The following LNPEP variants were observed in gnomAD, a reference collection of about 807,000 sequenced individuals.
LNPEP encodes the protein leucyl-cystinyl aminopeptidase.
Under a neutral mutation model 120.6 loss-of-function variants are expected in LNPEP, and 64 were observed. That is an observed-to-expected ratio of 0.53 (90% CI 0.43 to 0.65). The LOEUF (loss-of-function observed/expected upper bound fraction) is 0.65, where lower values mean the gene tolerates loss of function less well. Among genes scored for constraint, LNPEP ranks in the 30% least tolerant of loss-of-function variants. The pLI is 0.00. For missense variants in LNPEP, 1,057 were observed against 1,200.0 expected (o/e 0.88, Z 1.76); for synonymous variants, 435 against 425.4 (o/e 1.02, Z -0.28).
chr5:96,941,684 A>G (rs1789059414), intron 1 of LNPEP, among the ~76,000 whole-genome samples: 1 of 152,128 alleles, frequency 6.6e-6, no homozygotes, highest in African/African-American at 2.4e-5. Context: ...AGTAAATGGA[A>G]CATCAAGAGT....
Position 97,037,105 on chromosome 5 carries a change from A to T in LNPEP, c.*8572A>T, listed in dbSNP as rs1395343766. On this transcript the variant is annotated 3_prime_UTR_variant, in exon 18 of 18. Coordinates refer to ENST00000231368, the MANE Select transcript of LNPEP (RefSeq NM_005575.3). Reference sequence around the variant, plus strand: ...TGCATTAATCAACAAACTCACATTGAGACAAAACTTAGTTTTACAGCTGTC... The same window carrying T: ...TGCATTAATCAACAAACTCACATTGTGACAAAACTTAGTTTTACAGCTGTC... 6.6e-6 allele frequency: 1 copy of T among 152,222 alleles called. No homozygotes were observed. Among genetic ancestry groups the T allele is most frequent in the East Asian group, 1.9e-4 (1 of 5,208 alleles). The allele number at this position is 152,222 out of a possible 1,614,324, so 9.4% of individuals were successfully genotyped here. A position where few individuals can be genotyped will look rare whatever the true frequency, so the allele number is the denominator to read the frequency against.
In LNPEP at chr5:97,006,394, T is replaced by C. The variant is rs145291296; in HGVS notation, c.1947-33T>C. On this transcript the variant is annotated intron_variant, in intron 10 of 17. Coordinates refer to ENST00000231368, the MANE Select transcript of LNPEP (RefSeq NM_005575.3). ...AAATTAAAAAAAAAAAAAAATCATA[T>C]GTAACTAATTTTCCAATGTTTTCTC... is the stretch of plus-strand genomic sequence containing the variant. 3.7e-5 allele frequency: 50 copies of C among 1,349,312 alleles called. No homozygotes were observed. The African/African-American group carries it at 6.5e-4, about 18-fold the overall frequency. The allele number at this position is 1,349,312 out of a possible 1,614,324, so 83.6% of individuals were successfully genotyped here.
chr5:96,983,770 C>A (rs1449527029), intron 2 of LNPEP, among the ~76,000 whole-genome samples: 2 of 152,274 alleles, frequency 1.3e-5, no homozygotes, highest in East Asian at 3.9e-4. Context: ...TTTTCTGTGT[C>A]ATATTCTCAA....
chr5:96,936,259 C>A, intron 1 of LNPEP, 85 bp downstream of exon 1: 2 of 1,161,394 alleles, frequency 1.7e-6, no homozygotes, highest in Non-Finnish European at 1.1e-6. Flanking sequence ...GGTCGGGCTG[C>A]AGCCGTCTCC....
chr5:97,006,002 A>G, intron 9 of LNPEP, 71 bp from the exon 10 acceptor site: 2 of 406,696 alleles, frequency 4.9e-6, no homozygotes, highest in Non-Finnish European at 7.7e-6. Context: ...ATAAATTAAA[A>G]TGTAAAATTT....
chr5:97,011,934 A>G (rs893614042), intron 11 of LNPEP, among the ~76,000 whole-genome samples: 1 of 152,164 alleles, frequency 6.6e-6, no homozygotes, highest in African/African-American at 2.4e-5. Flanking sequence ...CATTTGAATA[A>G]TTCATGTTTT....
Position 97,012,054 on chromosome 5 carries a change from G to A in LNPEP, c.2036-1594G>A, listed in dbSNP as rs370774265. Among the ~76,000 whole-genome samples the A allele has an allele frequency of 3.3e-5, 5 of 152,142 alleles. No homozygotes were observed. In the East Asian group the frequency reaches 5.8e-4, roughly 18 times the overall value. ...TTTAGGTTGAAAACATATTTATAAA[G>A]CATTTTATATAAAAAACCTTCACTA... On this transcript the variant is annotated intron_variant, in intron 11 of 17. Transcript: ENST00000231368.
At chr5:97,024,490 T>C in intron 14 of LNPEP, 31 bp from the exon 15 acceptor site, 1 of 1,599,598 alleles carries the variant, frequency 6.3e-7, no homozygotes, top group Non-Finnish European at 8.5e-7. Flanking sequence ...TATTTTCTTG[T>C]TATTCTCATG....
intron 6 of LNPEP, among the ~76,000 whole-genome samples, chr5:96,994,447 T>A (rs1365990503): frequency 4.0e-5 from 6 of 149,070 alleles, no homozygotes; most frequent in Non-Finnish European, 8.9e-5. Context: ...CAACTCAAAC[T>A]GTAGCTGTCA....
intron 1 of LNPEP, among the ~76,000 whole-genome samples, chr5:96,971,345 TTG>T (rs3076561): frequency 0.021 from 2,965 of 142,766 alleles, 38 homozygotes; most frequent in African/African-American, 0.031. Flanking sequence ...ACATTATTAT[TTG>T]TGTGTGTGTG....
chr5:96,977,872 T>C (rs997777343), intron 1 of LNPEP, among the ~76,000 whole-genome samples: 2 of 152,192 alleles, frequency 1.3e-5, no homozygotes, highest in African/African-American at 4.8e-5. Flanking sequence ...TGAATTAGTT[T>C]GAGTAGAGGG....
intron 1 of LNPEP, chr5:96,936,716 T>G (rs2548224): frequency 0.4 from 61,148 of 151,914 alleles, 12,378 homozygotes; most frequent in Non-Finnish European, 0.43. Context: ...CCTCGCTCGG[T>G]GCCGCGGAGG....
chr5:97,002,079 T>C (rs2112640133), intron 8 of LNPEP, among the ~76,000 whole-genome samples: 1 of 152,178 alleles, frequency 6.6e-6, no homozygotes, highest in South Asian at 2.1e-4. Flanking sequence ...GCGGAGGTTG[T>C]AGTGAGTGGA....
At chr5:97,027,688 C>A (rs777942605) in intron 16 of LNPEP, 45 bp from the exon 17 acceptor site, 4 of 1,205,192 alleles carry the variant, frequency 3.3e-6, no homozygotes, top group Non-Finnish European at 4.9e-6. Flanking sequence ...AACGCTTTAC[C>A]AGCAGCTGCC....
At position 96,998,095 on chromosome 5, in the gene LNPEP, C is replaced by T; in HGVS notation, c.1603C>T (p.Gln535Ter). 1.3e-6 allele frequency: 2 copies of T among 1,592,840 alleles called. No individual in the cohort carries two copies. The highest frequency in any genetic ancestry group is 1.7e-6 in the Non-Finnish European group (2 of 1,164,928). Residue 535 changes from glutamine (Q) to a stop codon, truncating the protein, a stop_gained, in exon 8 of 18, where the codon CAG becomes TAG. Transcript: ENST00000231368. LOFTEE classifies it high-confidence loss of function. ...NSSHPISSSV[Q>*]SSEQIEEMFD... ...ATCTCATCCAATATCATCATCTGTT[C>T]AGTCTTCAGAACAAATTGAAGAAAT...
At chr5:96,987,177 T>G (rs1252814901) in intron 4 of LNPEP, among the ~76,000 whole-genome samples, 6 of 152,130 alleles carry the variant, frequency 3.9e-5, no homozygotes, top group Non-Finnish European at 1.5e-5. Flanking sequence ...GATTGTCTAT[T>G]TAGTTAAGGG....
At chr5:96,972,639 T>C (rs1036304995) in intron 1 of LNPEP, among the ~76,000 whole-genome samples, 1 of 152,118 alleles carries the variant, frequency 6.6e-6, no homozygotes, top group African/African-American at 2.4e-5. Context: ...CCAGAGTGAT[T>C]GTGGGCTCAC....
intron 1 of LNPEP, among the ~76,000 whole-genome samples, chr5:96,967,674 T>C (rs537677334): frequency 6.6e-6 from 1 of 152,240 alleles, no homozygotes; most frequent in East Asian, 1.9e-4. Flanking sequence ...GTTAACCTTA[T>C]AGACAGTGTA....
At chr5:97,003,572 G>A (rs1790706674) in intron 9 of LNPEP, 26 bp downstream of exon 9, 1 of 1,493,870 alleles carries the variant, frequency 6.7e-7, no homozygotes, top group Non-Finnish European at 9.1e-7. Context: ...AATTTATTTA[G>A]CTCTTACTGT....
Sources: gnomAD v4.1 joint callset for allele counts (sites outside exome capture counted in the v4.1 genomes callset) on GRCh38, gnomAD v4.1.1 for gene constraint, MANE v1.5 for transcripts, NCBI Gene and HGNC (gene_info 2026-07-23, HGNC 2026-07-21) for gene names.